Variants in TMTC2 observed in about 807,000 individuals in gnomAD.
The protein encoded by TMTC2 is transmembrane O-mannosyltransferase targeting cadherins 2.
In TMTC2, 43 loss-of-function variants were observed where a neutral mutation model predicts 82.4. The observed-to-expected ratio is 0.52, with a 90% confidence interval of 0.41 to 0.67. The LOEUF (loss-of-function observed/expected upper bound fraction) is 0.67. Among genes scored for constraint, TMTC2 ranks in the 30% least tolerant of loss-of-function variants. TMTC2 has a pLI of 0.00. For synonymous variants in TMTC2, 408 were observed against 381.9 expected, an observed-to-expected ratio of 1.07 and a Z score of -0.80; for missense variants, 919 against 1,012.4, an observed-to-expected ratio of 0.91 and a Z score of 1.25.
At chr12:83,019,289 G>A (rs1271519460) in intron 8 of TMTC2, among the ~76,000 whole-genome samples, 2 of 152,056 alleles carry the variant, frequency 1.3e-5, no homozygotes, top group South Asian at 2.1e-4. Context: ...TCACAGCCAG[G>A]TATGTTGGCA....
At chr12:82,822,823 C>T (rs977455751) in intron 1 of TMTC2, among the ~76,000 whole-genome samples, 1 of 152,118 alleles carries the variant, frequency 6.6e-6, no homozygotes, top group Non-Finnish European at 1.5e-5. Context: ...TTTTGTGCTT[C>T]GTATAGCTGG....
chr12:82,931,861 C>T (rs1378339945), intron 4 of TMTC2, among the ~76,000 whole-genome samples: 1 of 152,110 alleles, frequency 6.6e-6, no homozygotes, highest in African/African-American at 2.4e-5. Context: ...GACTGACCCT[C>T]CTGCAGTTCT....
chr12:83,029,753 A>G (rs1039615852), intron 8 of TMTC2, among the ~76,000 whole-genome samples: 3 of 152,156 alleles, frequency 2.0e-5, no homozygotes, highest in Admixed American at 1.3e-4. Context: ...CTGTGTTACA[A>G]TGGAGGTAAC....
intron 4 of TMTC2, among the ~76,000 whole-genome samples, chr12:82,956,078 T>C (rs1021092056): frequency 6.6e-5 from 10 of 152,266 alleles, no homozygotes; most frequent in African/African-American, 2.4e-4. Flanking sequence ...TGTGAAATCC[T>C]TGAGTTGTAA....
intron 8 of TMTC2, among the ~76,000 whole-genome samples, chr12:83,011,796 G>A (rs749131305): frequency 2.8e-4 from 43 of 152,008 alleles, no homozygotes; most frequent in Non-Finnish European, 5.7e-4. Context: ...ATTCTTCCAG[G>A]CTTCTTATTG....
chr12:82,994,978 T>C (rs990440753), intron 8 of TMTC2, among the ~76,000 whole-genome samples: 2 of 149,358 alleles, frequency 1.3e-5, no homozygotes, highest in East Asian at 2.1e-4. Flanking sequence ...ATAAGCCCCA[T>C]TGATACTCTA....
intron 7 of TMTC2, among the ~76,000 whole-genome samples, chr12:82,977,486 T>C (rs1878726580): frequency 6.6e-6 from 1 of 151,820 alleles, no homozygotes; most frequent in Admixed American, 6.6e-5. Context: ...TAAATATTGG[T>C]CAGGGAAGGA....
intron 1 of TMTC2, among the ~76,000 whole-genome samples, chr12:82,810,581 A>G (rs930521298): frequency 1.4e-4 from 21 of 152,094 alleles, no homozygotes; most frequent in African/African-American, 4.6e-4. Flanking sequence ...AGGTTTTTAT[A>G]AAACAGAAAT....
At chr12:82,932,726 AT>A in intron 4 of TMTC2, among the ~76,000 whole-genome samples, 1 of 152,110 alleles carries the variant, frequency 6.6e-6, no homozygotes, top group Non-Finnish European at 1.5e-5. Flanking sequence ...TCCTTCATAC[AT>A]TTTTGGAAGA....
chr12:82,896,003 C>G lies in TMTC2; in HGVS notation c.840C>G (p.Asn280Lys). ...TLTFFYLPTK[N>K]LWLLLCPDTL... Reference sequence around the variant, plus strand: ...CCTTCTTCTACTTGCCAACCAAGAACCTCTGGCTGTTGCTATGTCCAGATA... The same window carrying G: ...CCTTCTTCTACTTGCCAACCAAGAAGCTCTGGCTGTTGCTATGTCCAGATA... Residue 280 changes from asparagine to lysine, a missense_variant, in exon 3 of 12, where the codon AAC becomes AAG. By Grantham distance (94) the Asn-to-Lys change is moderately conservative (BLOSUM62 0). Transcript: ENST00000321196. The G allele has an allele frequency of 6.2e-7, 1 of 1,613,858 alleles. No homozygotes were observed. Among genetic ancestry groups the G allele is most frequent in the Non-Finnish European group, 8.5e-7 (1 of 1,180,002 alleles).
intron 11 of TMTC2, 32 bp from the exon 12 acceptor site, chr12:83,132,178 C>T: frequency 6.4e-7 from 1 of 1,566,652 alleles, no homozygotes; most frequent in Non-Finnish European, 8.6e-7. Flanking sequence ...GAAATGGCCT[C>T]CTAATTGTTT....
At chr12:82,968,786 C>CA (rs1001722496) in intron 7 of TMTC2, among the ~76,000 whole-genome samples, 1 of 152,090 alleles carries the variant, frequency 6.6e-6, no homozygotes, top group African/African-American at 2.4e-5. Context: ...ACACAGGCAG[C>CA]AAAAGATAAG....
chr12:83,104,333 C>T (rs1004454986), intron 11 of TMTC2, among the ~76,000 whole-genome samples: 1 of 152,212 alleles, frequency 6.6e-6, no homozygotes, highest in Non-Finnish European at 1.5e-5. Context: ...CCAACATTTC[C>T]CCTTGGCACG....
chr12:82,993,849 A>G (rs530403912), intron 8 of TMTC2, among the ~76,000 whole-genome samples: 1 of 152,286 alleles, frequency 6.6e-6, no homozygotes, highest in South Asian at 2.1e-4. Flanking sequence ...CGGGGGAGAT[A>G]CATTGCAAGG....
At chr12:83,065,028 A>G (rs1451075522) in intron 11 of TMTC2, among the ~76,000 whole-genome samples, 2 of 151,826 alleles carry the variant, frequency 1.3e-5, no homozygotes, top group Admixed American at 1.3e-4. Context: ...ATTTTCTTCT[A>G]TTTTTAAGTA....
chr12:82,920,581 T>C (rs1451699564), intron 3 of TMTC2, among the ~76,000 whole-genome samples: 1 of 152,206 alleles, frequency 6.6e-6, no homozygotes, highest in Non-Finnish European at 1.5e-5. Flanking sequence ...TAGTTTAATA[T>C]CAATGTGAAG....
At chr12:82,723,433 A>G (rs1874301713) in intron 1 of TMTC2, among the ~76,000 whole-genome samples, 2 of 152,190 alleles carry the variant, frequency 1.3e-5, no homozygotes, top group African/African-American at 4.8e-5. Context: ...AATGCTTGGA[A>G]CTAAAAATAT....
At chr12:82,892,768 T>C (rs1873461255) in intron 2 of TMTC2, among the ~76,000 whole-genome samples, 1 of 152,192 alleles carries the variant, frequency 6.6e-6, no homozygotes, top group African/African-American at 2.4e-5. Context: ...ATTTTAAAAA[T>C]GGGCTTTTGG....
At chr12:82,959,495 A>C (rs184079834) in intron 4 of TMTC2, among the ~76,000 whole-genome samples, 37 of 152,284 alleles carry the variant, frequency 2.4e-4, no homozygotes, top group African/African-American at 7.2e-4. Flanking sequence ...AGTGGAACAG[A>C]ACCTGGAATC....
Sources: gnomAD v4.1 joint callset for allele counts (sites outside exome capture counted in the v4.1 genomes callset) on GRCh38, gnomAD v4.1.1 for gene constraint, MANE v1.5 for transcripts, NCBI Gene and HGNC (gene_info 2026-07-23, HGNC 2026-07-21) for gene names.